Variants in RAPGEF5 observed in about 807,000 individuals in gnomAD.
The protein encoded by RAPGEF5 is Rap guanine nucleotide exchange factor 5, also known as M-Ras-regulated GEF.
In RAPGEF5, 65 loss-of-function variants were observed where a neutral mutation model predicts 125.2. That is an observed-to-expected ratio of 0.52 (90% confidence interval 0.43 to 0.64). RAPGEF5 has a LOEUF of 0.64. Among genes scored for constraint, RAPGEF5 ranks in the 30% least tolerant of loss-of-function variants. The pLI is 0.00. For synonymous variants in RAPGEF5, 391 were observed against 385.9 expected, an observed-to-expected ratio of 1.01 and a Z score of -0.16; for missense variants, 958 against 1,048.1, an observed-to-expected ratio of 0.91 and a Z score of 1.19.
chr7:22,303,012 C>T (rs1783248456), intron 5 of RAPGEF5, among the ~76,000 whole-genome samples: 1 of 152,110 alleles, frequency 6.6e-6, no homozygotes, highest in Non-Finnish European at 1.5e-5. Flanking sequence ...AAGCCCTACC[C>T]ACTCCCACCC....
chr7:22,179,772 C>T (rs900540513), intron 11 of RAPGEF5, among the ~76,000 whole-genome samples: 1 of 152,184 alleles, frequency 6.6e-6, no homozygotes, highest in Non-Finnish European at 1.5e-5. Context: ...CAATCGCATG[C>T]TAAAAGACAC....
At chr7:22,127,592 A>G (rs979981856) in intron 24 of RAPGEF5, among the ~76,000 whole-genome samples, 6 of 152,240 alleles carry the variant, frequency 3.9e-5, no homozygotes, top group Non-Finnish European at 7.3e-5. Flanking sequence ...AGTTCTCTTG[A>G]GAATCAACAG....
chr7:22,231,381 G>A (rs1169707973), intron 7 of RAPGEF5, among the ~76,000 whole-genome samples: 2 of 151,994 alleles, frequency 1.3e-5, no homozygotes, highest in Non-Finnish European at 2.9e-5. Flanking sequence ...TCCATATTGT[G>A]GAGTCTTGAA....
intron 1 of RAPGEF5, among the ~76,000 whole-genome samples, chr7:22,325,623 T>C (rs1306116899): frequency 1.3e-5 from 2 of 152,188 alleles, no homozygotes; most frequent in Non-Finnish European, 2.9e-5. Context: ...TGGAGTGCAG[T>C]GGCACAATCA....
At chr7:22,124,586 T>C (rs1782679176) in intron 25 of RAPGEF5, among the ~76,000 whole-genome samples, 1 of 152,226 alleles carries the variant, frequency 6.6e-6, no homozygotes, top group Non-Finnish European at 1.5e-5. Context: ...CTTAAGCAGG[T>C]GTACTCAATT....
chr7:22,303,428 C>T (rs144272834), intron 5 of RAPGEF5, among the ~76,000 whole-genome samples: 5 of 152,198 alleles, frequency 3.3e-5, no homozygotes, highest in African/African-American at 1.2e-4. Context: ...GCTTCATTTC[C>T]CCTCCTGCTT....
chr7:22,135,456 C>T (rs890775630), intron 23 of RAPGEF5, among the ~76,000 whole-genome samples: 1 of 152,150 alleles, frequency 6.6e-6, no homozygotes, highest in African/African-American at 2.4e-5. Context: ...TAACATGTTT[C>T]ATGATGAATT....
intron 1 of RAPGEF5, among the ~76,000 whole-genome samples, chr7:22,319,807 T>C (rs552856589): frequency 1.3e-5 from 2 of 152,140 alleles, no homozygotes; most frequent in South Asian, 2.1e-4. Flanking sequence ...CAAAATAGTT[T>C]ATATAATCTA....
chr7:22,154,434 C>G, intron 17 of RAPGEF5, 21 bp downstream of exon 17: 1 of 1,611,778 alleles, frequency 6.2e-7, no homozygotes, highest in Non-Finnish European at 8.5e-7. Flanking sequence ...GATTAATATT[C>G]AAGGGTAGAA....
intron 6 of RAPGEF5, among the ~76,000 whole-genome samples, chr7:22,280,577 G>A (rs146639684): frequency 6.6e-6 from 1 of 152,296 alleles, no homozygotes; most frequent in African/African-American, 2.4e-5. Context: ...CCAGGAGTGG[G>A]AATGAACCAG....
intron 5 of RAPGEF5, among the ~76,000 whole-genome samples, chr7:22,302,499 T>G (rs1783231681): frequency 1.3e-5 from 2 of 151,958 alleles, no homozygotes; most frequent in Non-Finnish European, 2.9e-5. Context: ...AACAGTTATA[T>G]CTCAGGGGCA....
At position 22,291,518 on chromosome 7, in the gene RAPGEF5, T is replaced by A. The variant is rs571976571; in HGVS notation, c.681-277A>T. On this transcript the variant is annotated intron_variant, in intron 5 of 25. Coordinates refer to ENST00000665637, the MANE Select transcript of RAPGEF5 (RefSeq NM_012294.5). ...ACCCCATGATACAGCAGAATAACCC[T>A]GACATGCCAGTTGTAAAATATATGG... is the stretch of plus-strand genomic sequence containing the variant. Among the ~76,000 whole-genome samples the A allele has an allele frequency of 1.0e-3, 153 of 152,316 alleles. 1 individual carries two copies. The highest frequency in any genetic ancestry group is 1.9e-3 in the South Asian group (9 of 4,822).
At chr7:22,269,132 T>G (rs1227708625) in intron 6 of RAPGEF5, among the ~76,000 whole-genome samples, 1 of 147,456 alleles carries the variant, frequency 6.8e-6, no homozygotes, top group African/African-American at 2.5e-5. Flanking sequence ...CAAAGGAGGA[T>G]GTACGATAGC....
chr7:22,273,916 A>G (rs538565281), intron 6 of RAPGEF5, among the ~76,000 whole-genome samples: 6 of 152,330 alleles, frequency 3.9e-5, no homozygotes, highest in South Asian at 2.1e-4. Flanking sequence ...AGGAGTAGAT[A>G]GTATCCACAG....
chr7:22,292,557 G>A (rs547035377), intron 5 of RAPGEF5, among the ~76,000 whole-genome samples: 1 of 152,290 alleles, frequency 6.6e-6, no homozygotes, highest in East Asian at 1.9e-4. Context: ...TGGATGATGA[G>A]TATTTTGAAC....
At position 22,120,640 on chromosome 7, in the gene RAPGEF5, C is replaced by A. The variant is rs1162117871; in HGVS notation, c.*1766G>T. On this transcript the variant is annotated 3_prime_UTR_variant, in exon 26 of 26. Transcript: ENST00000665637. The surrounding 1 kb of genome is among the most constrained non-coding windows in gnomAD (Gnocchi z 4.0). ...TCTCCGGTTCTCACGGCTCTGGTGT[C>A]CTGTGGGCCACATTCCATGACGGCA... is the stretch of plus-strand genomic sequence containing the variant. The A allele has an allele frequency of 1.3e-5, 2 of 152,672 alleles. No homozygotes were observed. The highest frequency in any genetic ancestry group is 4.8e-5 in the African/African-American group (2 of 41,444). 9.5% of individuals were successfully genotyped at this position (152,672 alleles called of 1,614,324 possible).
chr7:22,155,795 G>C (rs1354338839), intron 16 of RAPGEF5, among the ~76,000 whole-genome samples: 1 of 152,146 alleles, frequency 6.6e-6, no homozygotes, highest in Non-Finnish European at 1.5e-5. Context: ...GGCAAAATCT[G>C]GTCTATAAAC....
chr7:22,287,331 C>A (rs2128146373), intron 6 of RAPGEF5, among the ~76,000 whole-genome samples: 1 of 152,286 alleles, frequency 6.6e-6, no homozygotes, highest in East Asian at 1.9e-4. Context: ...TCTCATGTTC[C>A]TTCAATATGA....
At chr7:22,266,300 A>C (rs139414619) in intron 7 of RAPGEF5, among the ~76,000 whole-genome samples, 221 of 152,278 alleles carry the variant, frequency 1.5e-3, no homozygotes, top group African/African-American at 4.8e-3. Flanking sequence ...CCCGCAGCAA[A>C]GGATGCCTCC....
Sources: allele counts gnomAD v4.1 joint callset (sites outside exome capture counted in the v4.1 genomes callset), GRCh38; gene constraint gnomAD v4.1.1; non-coding constraint Gnocchi (gnomAD v3.1); transcripts MANE v1.5; gene names NCBI Gene and HGNC (gene_info 2026-07-23, HGNC 2026-07-21).